CPNE4: variants seen among roughly 807,000 people sequenced by gnomAD.
CPNE4 encodes the protein copine 4.
A neutral mutation model predicts 67.9 loss-of-function variants in CPNE4; 25 were observed. That is an observed-to-expected ratio of 0.37 (90% confidence interval 0.27 to 0.51). The LOEUF is 0.51. Among genes scored for constraint, CPNE4 ranks in the 20% least tolerant of loss-of-function variants. CPNE4 has a pLI of 0.93. For synonymous variants in CPNE4, 242 were observed against 244.9 expected, an observed-to-expected ratio of 0.99 and a Z score of 0.11; for missense variants, 464 against 690.8, an observed-to-expected ratio of 0.67 and a Z score of 3.68.
intron 1 of CPNE4, among the ~76,000 whole-genome samples, chr3:131,952,297 A>G (rs1456542408): frequency 6.9e-6 from 1 of 144,620 alleles, no homozygotes; most frequent in Non-Finnish European, 1.5e-5. Flanking sequence ...CGGCTGCCCC[A>G]TCTGAGAAGT....
At chr3:131,792,349 C>T (rs1253507257) in intron 2 of CPNE4, among the ~76,000 whole-genome samples, 1 of 151,766 alleles carries the variant, frequency 6.6e-6, no homozygotes, top group African/African-American at 2.4e-5. Context: ...AGTATTTATA[C>T]TCAATTTTAA....
chr3:131,737,115 C>CAT (rs1188464902), intron 2 of CPNE4, among the ~76,000 whole-genome samples: 1 of 49,362 alleles, frequency 2.0e-5, no homozygotes, highest in African/African-American at 7.6e-5. Flanking sequence ...AGTATTGTGT[C>CAT]TTTTTTTTTT....
chr3:131,895,528 C>T (rs941510540), intron 2 of CPNE4, among the ~76,000 whole-genome samples: 2 of 150,238 alleles, frequency 1.3e-5, no homozygotes, highest in African/African-American at 4.9e-5. Flanking sequence ...AATAATTTTA[C>T]ATTAATTTTT....
At chr3:132,037,530 C>T (rs149691739), upstream of CPNE4, 10 of 1,526,674 alleles carry the variant, frequency 6.6e-6, no homozygotes, top group South Asian at 9.5e-5. Flanking sequence ...ATTGTAACAT[C>T]AAAATCCCCT....
In CPNE4 at chr3:131,534,621, G is replaced by C. The variant is rs1935036182; in HGVS notation, c.*574C>G. On this transcript the variant is annotated 3_prime_UTR_variant, in exon 16 of 16. Transcript: ENST00000429747. ...AGATGACCCAGACTTACCTCAAAAA[G>C]ACTCACCTCAGAAAGAAGAAGTAAA... 6.6e-6 allele frequency: 1 copy of C among 152,162 alleles called. No homozygotes were observed. The highest frequency in any genetic ancestry group is 2.1e-4 in the South Asian group (1 of 4,824). 9.4% of individuals were successfully genotyped at this position (152,162 alleles called of 1,614,324 possible).
intron 2 of CPNE4, among the ~76,000 whole-genome samples, chr3:131,896,650 T>C (rs898141380): frequency 3.9e-5 from 6 of 152,124 alleles, no homozygotes; most frequent in African/African-American, 1.4e-4. Flanking sequence ...AATGGAGTTA[T>C]AGAAGGTATT....
At chr3:131,674,110 T>C (rs1408958880) in intron 6 of CPNE4, among the ~76,000 whole-genome samples, 1 of 152,118 alleles carries the variant, frequency 6.6e-6, no homozygotes, top group Non-Finnish European at 1.5e-5. Context: ...GTATGATGTA[T>C]CACATTGATT....
intron 1 of CPNE4, among the ~76,000 whole-genome samples, chr3:132,029,337 C>T (rs2074188772): frequency 6.6e-6 from 1 of 152,182 alleles, no homozygotes; most frequent in Non-Finnish European, 1.5e-5. Context: ...GCGAGGCAAT[C>T]CAGGCCGGAG....
chr3:131,978,608 A>G (rs1165452984), intron 1 of CPNE4, among the ~76,000 whole-genome samples: 2 of 127,990 alleles, frequency 1.6e-5, no homozygotes, highest in Non-Finnish European at 3.2e-5. Context: ...AATCTTGCCA[A>G]TGGTCTATCA....
intron 1 of CPNE4, among the ~76,000 whole-genome samples, chr3:131,998,593 A>C (rs1266009757): frequency 6.6e-5 from 10 of 152,154 alleles, no homozygotes; most frequent in African/African-American, 2.2e-4. Flanking sequence ...AAGACAGGAA[A>C]GAAAACATTT....
At chr3:131,777,096 G>T (rs9853154) in intron 2 of CPNE4, among the ~76,000 whole-genome samples, 2 of 151,906 alleles carry the variant, frequency 1.3e-5, no homozygotes, top group African/African-American at 4.8e-5. Context: ...CACAGATTTC[G>T]CCTCATTCAA....
intron 2 of CPNE4, among the ~76,000 whole-genome samples, chr3:131,749,890 G>T (rs2082582775): frequency 1.3e-5 from 2 of 152,104 alleles, no homozygotes; most frequent in Non-Finnish European, 2.9e-5. Flanking sequence ...GATTTCTAAT[G>T]AACAGAAATT....
chr3:131,966,435 T>C lies in CPNE4; in HGVS notation c.-1-60991A>G, dbSNP rs535262205. Reference sequence around the variant, plus strand: ...TCAAAAAATCAATGAATCCAGGAGCTGGTTTTTTGAAAAGATTAACAAAAT... The same window carrying C: ...TCAAAAAATCAATGAATCCAGGAGCCGGTTTTTTGAAAAGATTAACAAAAT... On this transcript the variant is annotated intron_variant, in intron 1 of 15. Transcript: ENST00000429747. Among the ~76,000 whole-genome samples, 3 of 152,252 alleles carry C rather than the reference T, an allele frequency of 2.0e-5. No homozygotes were observed. In the South Asian group the frequency reaches 6.2e-4, roughly 32 times the overall value.
chr3:131,758,910 CATGATTCT>C (rs544602126), intron 2 of CPNE4, among the ~76,000 whole-genome samples: 4 of 152,220 alleles, frequency 2.6e-5, no homozygotes, highest in Admixed American at 2.6e-4. Flanking sequence ...TGCCTCCCAC[CATGATTCT>C]GAGGCCTCCC....
At chr3:131,723,748 G>A (rs982821205) in intron 2 of CPNE4, 123 bp from the exon 3 acceptor site, 8 of 826,230 alleles carry the variant, frequency 9.7e-6, no homozygotes, top group African/African-American at 6.9e-5. Flanking sequence ...CAAGTCATTG[G>A]GTGGGCAGTC....
At chr3:131,591,494 A>C (rs1431985848) in intron 7 of CPNE4, among the ~76,000 whole-genome samples, 1 of 152,184 alleles carries the variant, frequency 6.6e-6, no homozygotes, top group East Asian at 1.9e-4. Flanking sequence ...TAAGCTGCCA[A>C]CCTCAAGTCT....
intron 2 of CPNE4, among the ~76,000 whole-genome samples, chr3:131,799,689 A>T (rs2084021182): frequency 6.6e-6 from 1 of 152,144 alleles, no homozygotes; most frequent in Non-Finnish European, 1.5e-5. Flanking sequence ...AGAAGCCTGG[A>T]TCCCCTTCAG....
intron 11 of CPNE4, among the ~76,000 whole-genome samples, chr3:131,560,222 C>A (rs72997295): frequency 5.3e-5 from 8 of 151,902 alleles, no homozygotes; most frequent in Non-Finnish European, 1.2e-4. Flanking sequence ...GCAAGGGAAG[C>A]GATACATCTT....
chr3:131,825,219 C>T (rs112444808), intron 2 of CPNE4, among the ~76,000 whole-genome samples: 4,805 of 152,112 alleles, frequency 0.032, 181 homozygotes, highest in South Asian at 0.094. Flanking sequence ...AATTTCTGGC[C>T]GGGCGCAGTA....
Sources: gnomAD v4.1 joint callset for allele counts (sites outside exome capture counted in the v4.1 genomes callset) on GRCh38, gnomAD v4.1.1 for gene constraint, MANE v1.5 for transcripts, NCBI Gene and HGNC (gene_info 2026-07-23, HGNC 2026-07-21) for gene names.